Variants in SUMF1 observed in about 807,000 individuals in gnomAD.
SUMF1 encodes the protein formylglycine-generating enzyme.
Under a neutral mutation model 47.6 loss-of-function variants are expected in SUMF1, and 48 were observed. The observed-to-expected ratio is 1.01, with a 90% CI of 0.80 to 1.28. The LOEUF is 1.28. Ranked by LOEUF, SUMF1 falls within the 50% of genes most tolerant of loss-of-function variation. SUMF1 has a pLI of 0.00. For missense variants in SUMF1, 571 were observed against 485.4 expected, an observed-to-expected ratio of 1.18 and a Z score of -1.66; for synonymous variants, 230 against 192.1, an observed-to-expected ratio of 1.20 and a Z score of -1.63.
chr3:4,123,643 C>G (rs1367751159), intron 8 of SUMF1, among the ~76,000 whole-genome samples: 1 of 152,106 alleles, frequency 6.6e-6, no homozygotes, highest in Admixed American at 6.5e-5. Context: ...GAAAGTAGCA[C>G]AGTAGAGAGA....
At chr3:4,235,384 A>C (rs1696385118) in intron 8 of SUMF1, among the ~76,000 whole-genome samples, 2 of 152,066 alleles carry the variant, frequency 1.3e-5, no homozygotes, top group African/African-American at 4.8e-5. Context: ...GTTCAGGAGA[A>C]TAATACTAGG....
intron 8 of SUMF1, among the ~76,000 whole-genome samples, chr3:4,265,543 T>C (rs73117610): frequency 0.012 from 1,802 of 152,308 alleles, 45 homozygotes; most frequent in African/African-American, 0.041. Flanking sequence ...CCTCAAACTA[T>C]ACTATTTTAC....
chr3:4,193,757 C>T (rs1695372054), intron 8 of SUMF1, among the ~76,000 whole-genome samples: 1 of 152,024 alleles, frequency 6.6e-6, no homozygotes, highest in African/African-American at 2.4e-5. Flanking sequence ...ACTCAAATTT[C>T]ACCTCCACTA....
intron 8 of SUMF1, among the ~76,000 whole-genome samples, chr3:4,141,350 C>A (rs1694066674): frequency 6.6e-6 from 1 of 152,058 alleles, no homozygotes; most frequent in Non-Finnish European, 1.5e-5. Context: ...AAATTGAAAT[C>A]CATCTCACTT....
At chr3:4,101,171 G>GT (rs1296614442) in intron 8 of SUMF1, among the ~76,000 whole-genome samples, 1 of 150,428 alleles carries the variant, frequency 6.6e-6, no homozygotes, top group Non-Finnish European at 1.5e-5. Context: ...AAATCAGTAT[G>GT]TTAAAAAAAA....
chr3:4,047,285 CT>C (rs1330391356), intron 9 of SUMF1, among the ~76,000 whole-genome samples: 1 of 152,124 alleles, frequency 6.6e-6, no homozygotes, highest in East Asian at 1.9e-4. Context: ...CTCACTGAAT[CT>C]TTAGCTTCAT....
chr3:4,429,949 ACTTTTAAAGGATTTTAAAAGTATG>A (rs995943233), intron 3 of SUMF1, among the ~76,000 whole-genome samples: 1 of 152,232 alleles, frequency 6.6e-6, no homozygotes, highest in African/African-American at 2.4e-5. Flanking sequence ...ACATTTGCAT[ACTTTTAAAGGATTTTAAAAGTATG>A]CTTTTAAAGG....
intron 9 of SUMF1, among the ~76,000 whole-genome samples, chr3:4,050,266 T>C (rs897626798): frequency 1.3e-5 from 2 of 151,800 alleles, no homozygotes; most frequent in African/African-American, 2.4e-5. Context: ...CCGTTCTAAA[T>C]GATCCATTTA....
intron 7 of SUMF1, among the ~76,000 whole-genome samples, chr3:4,409,950 G>A (rs1701490618): frequency 6.6e-6 from 1 of 152,166 alleles, no homozygotes; most frequent in Non-Finnish European, 1.5e-5. Flanking sequence ...AGATATTGAA[G>A]AATTAATTTT....
intron 8 of SUMF1, among the ~76,000 whole-genome samples, chr3:4,224,815 C>T (rs561381952): frequency 1.1e-3 from 161 of 152,124 alleles, no homozygotes; most frequent in Admixed American, 1.8e-3. Flanking sequence ...AACAATCAGA[C>T]AAGCAGGAAT....
In SUMF1 at chr3:4,130,381, C is replaced by T. The variant is rs537258552; in HGVS notation, c.1015-61636G>A. ...TTCGGCTAGCAAGGCCAGCAATATA[C>T]GTTTACTGTCCTATCTCAGGGGTAT... On this transcript the variant is annotated intron_variant and NMD_transcript_variant, in intron 8 of 12. Coordinates refer to the SUMF1 transcript ENST00000448413. Among the ~76,000 whole-genome samples the T allele has an allele frequency of 3.3e-5, 5 of 152,304 alleles. No individual in the cohort carries two copies. The South Asian group carries it at 8.3e-4, about 25-fold the overall frequency.
intron 6 of SUMF1, among the ~76,000 whole-genome samples, chr3:4,415,976 T>A (rs1446482589): frequency 6.6e-6 from 1 of 152,166 alleles, no homozygotes; most frequent in Non-Finnish European, 1.5e-5. Flanking sequence ...CTTCCCAGCC[T>A]CCAGAATTGC....
intron 8 of SUMF1, among the ~76,000 whole-genome samples, chr3:4,149,280 C>G (rs1344283175): frequency 6.6e-6 from 1 of 152,132 alleles, no homozygotes; most frequent in African/African-American, 2.4e-5. Context: ...AGAAGAATCA[C>G]TGAACCTACT....
Position 4,116,993 on chromosome 3 carries a change from CTTATAG to C in SUMF1, c.1015-48254_1015-48249del, listed in dbSNP as rs149260008. 6.1e-3 allele frequency among the ~76,000 whole-genome samples: 929 copies of C among 152,174 alleles called. 30 individuals carry two copies. The highest frequency in any genetic ancestry group is 0.048 in the Admixed American group (737 of 15,276). Reference sequence around the variant, plus strand: ...GCTAGGTGAACAAAACAAAGCTCTACTTATAGTTATACATGGAAAAATCTACAGTCA... The same window carrying C: ...GCTAGGTGAACAAAACAAAGCTCTACTTATACATGGAAAAATCTACAGTCA... On this transcript the variant is annotated intron_variant and NMD_transcript_variant, in intron 8 of 12. Coordinates refer to the SUMF1 transcript ENST00000448413.
At chr3:4,303,426 A>G (rs1032777383) in intron 8 of SUMF1, 3 of 1,554,504 alleles carry the variant, frequency 1.9e-6, no homozygotes, top group Admixed American at 2.0e-5. Context: ...GAGTTTAAGG[A>G]GAAGCCTGAG....
At chr3:4,134,917 A>T (rs1184757585) in intron 8 of SUMF1, among the ~76,000 whole-genome samples, 1 of 152,168 alleles carries the variant, frequency 6.6e-6, no homozygotes, top group Admixed American at 6.5e-5. Context: ...CCAAGACTAA[A>T]TCAGGACGAA....
At chr3:4,316,977 C>T (rs1273837682) in intron 8 of SUMF1, 18 of 1,549,290 alleles carry the variant, frequency 1.2e-5, no homozygotes, top group Non-Finnish European at 1.6e-5. Flanking sequence ...GCATGTTGCA[C>T]AACCCACACT....
chr3:4,312,900 C>T, intron 8 of SUMF1: 1 of 1,607,312 alleles, frequency 6.2e-7, no homozygotes, highest in Non-Finnish European at 8.5e-7. Flanking sequence ...TTTTACAGTA[C>T]ACTCCTGATC....
At chr3:4,173,744 C>G (rs1326597250) in intron 8 of SUMF1, among the ~76,000 whole-genome samples, 1 of 152,040 alleles carries the variant, frequency 6.6e-6, no homozygotes, top group Non-Finnish European at 1.5e-5. Context: ...ATGGATGAAG[C>G]TGGAAACCAT....
Sources: gnomAD v4.1 joint callset for allele counts (sites outside exome capture counted in the v4.1 genomes callset) on GRCh38, gnomAD v4.1.1 for gene constraint, MANE v1.5 for transcripts, NCBI Gene and HGNC (gene_info 2026-07-23, HGNC 2026-07-21) for gene names.